DLGAP2: variants seen among roughly 807,000 people sequenced by gnomAD.
DLGAP2 encodes the protein disks large-associated protein 2.
Under a neutral mutation model 100.3 loss-of-function variants are expected in DLGAP2, and 26 were observed. That is an observed-to-expected ratio of 0.26 (90% CI 0.19 to 0.36). DLGAP2 has a LOEUF of 0.36. Ranked by LOEUF, DLGAP2 falls within the 10% of genes least tolerant of loss-of-function variation. The probability of loss-of-function intolerance (pLI) is 1.00; values close to 1 mark genes in which losing one functional copy is unlikely to be tolerated. For missense variants in DLGAP2, 1,858 were observed against 1,453.2 expected, an observed-to-expected ratio of 1.28 and a Z score of -4.53; for synonymous variants, 886 against 630.1, an observed-to-expected ratio of 1.41 and a Z score of -6.08.
At chr8:1,201,736 T>C in intron 2 of DLGAP2, among the ~76,000 whole-genome samples, 1 of 152,204 alleles carries the variant, frequency 6.6e-6, no homozygotes, top group East Asian at 1.9e-4. Context: ...CATTTCCCTG[T>C]GAGGGGCTTG....
At chr8:939,099 G>T (rs1314402996) in intron 2 of DLGAP2, among the ~76,000 whole-genome samples, 1 of 151,188 alleles carries the variant, frequency 6.6e-6, no homozygotes, top group Non-Finnish European at 1.5e-5. Flanking sequence ...GTGCCTGGGA[G>T]TGGGAGGTGC....
chr8:1,676,849 C>G (rs1373015532), intron 11 of DLGAP2, among the ~76,000 whole-genome samples: 1 of 152,226 alleles, frequency 6.6e-6, no homozygotes, highest in Non-Finnish European at 1.5e-5. Flanking sequence ...TTTATCACCT[C>G]TGAAAGCAGA....
At chr8:1,322,836 A>G (rs1043907804) in intron 3 of DLGAP2, among the ~76,000 whole-genome samples, 53 of 152,112 alleles carry the variant, frequency 3.5e-4, no homozygotes, top group Non-Finnish European at 1.3e-4. Context: ...ATGGTCCTAT[A>G]TTTGTAGGTT....
intron 8 of DLGAP2, among the ~76,000 whole-genome samples, chr8:1,661,157 TC>T (rs1453927229): frequency 2.6e-5 from 4 of 152,220 alleles, no homozygotes; most frequent in Admixed American, 2.0e-4. Context: ...TCAAAGCCTT[TC>T]AAGCTGGTTT....
chr8:883,682 C>T lies in DLGAP2; in HGVS notation c.19-24230C>T, dbSNP rs1470558347. ...TTACGTAGGTGCGCGTGTGCCGCGG[C>T]GGTTCGTTACGTAGGTGCGCGTGTG... is the stretch of plus-strand genomic sequence containing the variant. On this transcript the variant is annotated intron_variant, in intron 1 of 14. Transcript: ENST00000637795. 9.3e-5 allele frequency among the ~76,000 whole-genome samples: 14 copies of T among 151,252 alleles called. No individual in the cohort carries two copies. The East Asian group carries it at 1.4e-3, about 15-fold the overall frequency.
chr8:823,891 G>A (rs976522171), intron 1 of DLGAP2, among the ~76,000 whole-genome samples: 2 of 152,182 alleles, frequency 1.3e-5, no homozygotes, highest in Non-Finnish European at 2.9e-5. Flanking sequence ...GTTGTGCGAT[G>A]ACAGTGGCAG....
chr8:1,464,316 AACGCCCTTCCAGGACG>A (rs1798554399), intron 3 of DLGAP2, among the ~76,000 whole-genome samples: 1 of 52,578 alleles, frequency 1.9e-5, no homozygotes, highest in African/African-American at 8.9e-5. Context: ...CTTCCAGGAC[AACGCCCTTCCAGGACG>A]GCACCCTTCC....
intron 2 of DLGAP2, among the ~76,000 whole-genome samples, chr8:1,112,442 A>G (rs181377839): frequency 1.3e-5 from 2 of 152,162 alleles, no homozygotes; most frequent in East Asian, 3.9e-4. Context: ...TGGTTTCACC[A>G]TGTTAGCCAG....
chr8:1,476,928 C>T (rs1798949261), intron 3 of DLGAP2, among the ~76,000 whole-genome samples: 1 of 152,142 alleles, frequency 6.6e-6, no homozygotes, highest in Non-Finnish European at 1.5e-5. Context: ...TGAGTGCTGT[C>T]AGCCACCCAC....
At chr8:1,242,029 C>G (rs1042912675) in intron 2 of DLGAP2, among the ~76,000 whole-genome samples, 1 of 152,152 alleles carries the variant, frequency 6.6e-6, no homozygotes, top group Non-Finnish European at 1.5e-5. Flanking sequence ...GGTAGACTTG[C>G]TTTGATGATT....
chr8:1,312,902 A>G (rs1326613322), intron 3 of DLGAP2, among the ~76,000 whole-genome samples: 2 of 152,232 alleles, frequency 1.3e-5, no homozygotes, highest in Non-Finnish European at 2.9e-5. Flanking sequence ...AGGGAGCACC[A>G]TGAAGCCCAT....
At chr8:1,495,895 T>C (rs533429722) in intron 3 of DLGAP2, among the ~76,000 whole-genome samples, 3 of 152,168 alleles carry the variant, frequency 2.0e-5, no homozygotes, top group African/African-American at 7.2e-5. Flanking sequence ...CTGCGGCCAC[T>C]GGGTGCCGGC....
chr8:1,172,343 A>C (rs886906205), intron 2 of DLGAP2, among the ~76,000 whole-genome samples: 14 of 151,860 alleles, frequency 9.2e-5, no homozygotes, highest in Middle Eastern at 3.4e-3. Context: ...CACTTTGGTG[A>C]ATCTGACCAT....
Position 1,317,287 on chromosome 8 carries a change from G to C in DLGAP2, c.106+58404G>C, listed in dbSNP as rs1445957071. 5.7e-5 allele frequency among the ~76,000 whole-genome samples: 8 copies of C among 139,586 alleles called. 1 individual carries two copies. The allele number at this position is 139,586 out of a possible 152,430, so 91.6% of individuals were successfully genotyped here. On this transcript the variant is annotated intron_variant, in intron 3 of 14. Transcript: ENST00000637795. Reference sequence around the variant, plus strand: ...GTCTCTCCAACAGTGGTCTACACTCGAGAAACTCGGCAGCTTTTAAAAATA... The same window carrying C: ...GTCTCTCCAACAGTGGTCTACACTCCAGAAACTCGGCAGCTTTTAAAAATA...
At chr8:1,363,918 C>T (rs947957716) in intron 3 of DLGAP2, among the ~76,000 whole-genome samples, 3 of 152,122 alleles carry the variant, frequency 2.0e-5, no homozygotes, top group African/African-American at 7.2e-5. Flanking sequence ...GCTGGGGGGT[C>T]CCTCCCTGAC....
rs115673972 is a variant in DLGAP2, at chr8:813,709, G to A, written c.18+75884G>A. Among the ~76,000 whole-genome samples, 857 of 152,226 alleles carry A rather than the reference G, an allele frequency of 5.6e-3. 8 individuals are homozygous for A. The highest frequency in any genetic ancestry group is 0.019 in the African/African-American group (804 of 41,536). On this transcript the variant is annotated intron_variant, in intron 1 of 14. Transcript: ENST00000637795. ...TTTTGTCTCTAGCACAAAAGTGGGG[G>A]CACTTCCCTCTTTCCCCAGCTCTGC... is the stretch of plus-strand genomic sequence containing the variant.
At chr8:1,594,636 C>G (rs936275832) in intron 6 of DLGAP2, among the ~76,000 whole-genome samples, 16 of 152,104 alleles carry the variant, frequency 1.1e-4, no homozygotes, top group African/African-American at 3.9e-4. Context: ...GTTGGCCAGG[C>G]TGATCCTGAA....
intron 1 of DLGAP2, among the ~76,000 whole-genome samples, chr8:743,674 C>G (rs1445356458): frequency 6.6e-6 from 1 of 152,178 alleles, no homozygotes; most frequent in African/African-American, 2.4e-5. Flanking sequence ...AGCGATCTTC[C>G]CACCTCAGCC....
At chr8:1,120,632 A>G (rs76940447) in intron 2 of DLGAP2, among the ~76,000 whole-genome samples, 15,626 of 149,610 alleles carry the variant, frequency 0.1, 976 homozygotes, top group East Asian at 0.19. Flanking sequence ...ACCCATCCTC[A>G]TTCCTTCAGA....
Sources: gnomAD v4.1 joint callset for allele counts (sites outside exome capture counted in the v4.1 genomes callset) on GRCh38, gnomAD v4.1.1 for gene constraint, MANE v1.5 for transcripts, NCBI Gene and HGNC (gene_info 2026-07-23, HGNC 2026-07-21) for gene names.